CDC7: variants seen among roughly 807,000 people sequenced by gnomAD.
CDC7 encodes cell division cycle 7.
In CDC7, 34 loss-of-function variants were observed where a neutral mutation model predicts 53.5. That is an observed-to-expected ratio of 0.64 (90% CI 0.48 to 0.85). CDC7 has a LOEUF of 0.85. Ranked by LOEUF, CDC7 falls within the 40% of genes least tolerant of loss-of-function variation. The probability of loss-of-function intolerance (pLI) is 0.00; values close to 1 mark genes in which losing one functional copy is unlikely to be tolerated. For synonymous variants in CDC7, 211 were observed against 222.8 expected (o/e 0.95, Z 0.47); for missense variants, 594 against 679.7 (o/e 0.87, Z 1.40).
chr1:91,522,484 T>C (rs1001062849), intron 11 of CDC7, among the ~76,000 whole-genome samples: 2 of 152,170 alleles, frequency 1.3e-5, no homozygotes, highest in East Asian at 3.9e-4. Context: ...TCCTGACACA[T>C]AGTAGTCTGT....
chr1:91,517,588 C>T (rs1667629251), intron 10 of CDC7, among the ~76,000 whole-genome samples: 1 of 152,114 alleles, frequency 6.6e-6, no homozygotes, highest in Non-Finnish European at 1.5e-5. Context: ...AGATTTCCAG[C>T]AGAATCAAAG....
chr1:91,500,972 A>G (rs1050011266), intron 1 of CDC7, 24 bp downstream of exon 1: 3 of 152,242 alleles, frequency 2.0e-5, no homozygotes, highest in East Asian at 1.9e-4. Context: ...GGTTTGTTCC[A>G]TGGCGCGGGA....
At position 91,511,595 on chromosome 1, in the gene CDC7, A is replaced by G; in HGVS notation, c.336-2A>G. The G allele has an allele frequency of 6.3e-7, 1 of 1,575,130 alleles. No homozygotes were observed. The highest frequency in any genetic ancestry group is 8.7e-7 in the Non-Finnish European group (1 of 1,152,018). On this transcript the variant is annotated splice_acceptor_variant, in intron 4 of 11. Transcript: ENST00000234626. LOFTEE classifies it high-confidence loss of function. ...AAAGTTCCTTGTGCATTTTTCCACT[A>G]GGGGGCAAGATAATGTCATGGGAGT...
Position 91,515,872 on chromosome 1 carries a change from T to C in CDC7, c.1176T>C (p.Thr392=). Residue 392 remains threonine (T), a synonymous_variant, in exon 10 of 12, where the codon ACT becomes ACC. Transcript: ENST00000234626. ...TCTTGACAAAGTGCCCCAATCAAAC[T>C]ACAGGTATGTTGTACTGGAAATACA... ...PEVLTKCPNQ[T]TAIDMWSAGV... is the part of the protein sequence containing the mutation. 6.2e-7 allele frequency: 1 copy of C among 1,612,230 alleles called. No homozygotes were observed. Among genetic ancestry groups the C allele is most frequent in the Non-Finnish European group, 8.5e-7 (1 of 1,178,390 alleles).
chr1:91,514,474 G>A (rs1049662011), intron 8 of CDC7, among the ~76,000 whole-genome samples: 2 of 152,186 alleles, frequency 1.3e-5, no homozygotes, highest in Admixed American at 6.6e-5. Flanking sequence ...AATTAAAACT[G>A]TGATTTTAGC....
intron 9 of CDC7, 141 bp from the exon 10 acceptor site, chr1:91,515,653 A>T: frequency 1.1e-6 from 1 of 945,948 alleles, no homozygotes; most frequent in Non-Finnish European, 1.5e-6. Context: ...TTATCACACT[A>T]GATTATCATT....
intron 11 of CDC7, among the ~76,000 whole-genome samples, chr1:91,522,603 C>T (rs993271628): frequency 2.0e-5 from 3 of 152,096 alleles, no homozygotes; most frequent in Admixed American, 1.3e-4. Flanking sequence ...AACTTGGGGA[C>T]ATGCTATAAC....
chr1:91,524,501 ACAAGT>A lies in CDC7; in HGVS notation c.*67_*71del. ...TAAAAAAGAATACTTTGTAATAGCC[ACAAGT>A]TCTTGTTTAGAGACCAGAGCAGGAT... is the stretch of plus-strand genomic sequence containing the variant. On this transcript the variant is annotated 3_prime_UTR_variant, in exon 12 of 12. Transcript: ENST00000234626. 1 of 1,262,600 alleles carries A rather than the reference ACAAGT, an allele frequency of 7.9e-7. No homozygotes were observed. The highest frequency in any genetic ancestry group is 2.2e-5 in the Admixed American group (1 of 45,322). The allele number at this position is 1,262,600 out of a possible 1,614,324, so 78.2% of individuals were successfully genotyped here.
intron 4 of CDC7, among the ~76,000 whole-genome samples, chr1:91,511,110 G>T (rs767286680): frequency 1.3e-5 from 2 of 151,898 alleles, no homozygotes; most frequent in African/African-American, 2.4e-5. Flanking sequence ...TCATTTTTTG[G>T]TATCTCTATT....
chr1:91,519,451 A>T (rs544077), intron 10 of CDC7, among the ~76,000 whole-genome samples: 8,192 of 151,906 alleles, frequency 0.054, 735 homozygotes, highest in African/African-American at 0.18. Context: ...AGAAAAGAAT[A>T]TAATTGGATT....
rs1387558933 is a variant in CDC7 at position 91,513,129 on chromosome 1, A to G, written c.644A>G (p.Gln215Arg). 6.2e-7 allele frequency: 1 copy of G among 1,613,608 alleles called. No homozygotes were observed. The highest frequency in any genetic ancestry group is 8.5e-7 in the Non-Finnish European group (1 of 1,179,634). ...DTKIELLKFV[Q>R]SEAQQERCSQ... ...AAAATAGAGCTTCTTAAATTTGTCCAGTCTGAAGCTCAGCAGGAAAGGTGT... is the reference window on the plus strand; with the variant it reads ...AAAATAGAGCTTCTTAAATTTGTCCGGTCTGAAGCTCAGCAGGAAAGGTGT... The change falls in exon 7 of 12, where the codon CAG becomes CGG. Residue 215 changes from glutamine to arginine, a missense_variant. Transcript: ENST00000234626.
At chr1:91,521,196 A>G (rs1000593704) in intron 11 of CDC7, among the ~76,000 whole-genome samples, 5 of 152,224 alleles carry the variant, frequency 3.3e-5, no homozygotes, top group African/African-American at 1.2e-4. Flanking sequence ...TTATCTGAGA[A>G]TCTTTAAGAA....
rs760091555 is a variant in CDC7 at position 91,515,796 on chromosome 1, G to A, written c.1100G>A (p.Arg367His). 7.7e-5 allele frequency: 125 copies of A among 1,613,338 alleles called. No individual in the cohort carries two copies. The highest frequency in any genetic ancestry group is 5.6e-4 in the South Asian group (51 of 91,030). ...DKVCSICLSR[R>H]QQVAPRAGTP... ...GAGAAATCTTATTTCATCATAAGGC[G>A]TCAGCAGGTTGCCCCTAGGGCAGGT... Residue 367 changes from arginine to histidine, a missense_variant and splice_region_variant, in exon 10 of 12, where the codon CGT (arginine) becomes CAT (histidine). Transcript: ENST00000234626.
intron 7 of CDC7, among the ~76,000 whole-genome samples, 166 bp downstream of exon 7, chr1:91,513,473 A>C (rs571886392): frequency 6.6e-6 from 1 of 152,144 alleles, no homozygotes; most frequent in Admixed American, 6.5e-5. Context: ...ATTTGTACTG[A>C]ATCATTTTGG....
intron 2 of CDC7, among the ~76,000 whole-genome samples, chr1:91,507,368 A>C (rs1667046567): frequency 6.6e-6 from 1 of 152,232 alleles, no homozygotes; most frequent in African/African-American, 2.4e-5. Context: ...TTTTAAAAAT[A>C]CTTTTTTACA....
Position 91,513,261 on chromosome 1 carries a change from C to A in CDC7, c.776C>A (p.Pro259His). 1 of 1,613,286 alleles carries A rather than the reference C, an allele frequency of 6.2e-7. No individual in the cohort carries two copies. The highest frequency in any genetic ancestry group is 8.5e-7 in the Non-Finnish European group (1 of 1,179,414). The change falls in exon 7 of 12, where the codon CCC becomes CAC. Residue 259 changes from proline to histidine, a missense_variant. Physicochemically the swap from Pro to His is moderately conservative, Grantham distance 77 (BLOSUM62 -2). Transcript: ENST00000234626. ...ACCACAAAAGCTTCTGTTAAAAGAC[C>A]CTACACAAATGCACAAATTCAGATT... ...QSTTKASVKR[P>H]YTNAQIQIKQ... is the part of the protein sequence containing the mutation.
In CDC7 at chr1:91,520,121, C is replaced by A; in HGVS notation, c.1181-9C>A. The stretch of plus-strand genomic sequence containing the variant: ...GAAATTTATTTTTAAAATTTGTCTT[C>A]TGTTGCAGCAATTGACATGTGGTCT... On this transcript the variant is annotated splice_polypyrimidine_tract_variant and intron_variant, in intron 10 of 11. Coordinates refer to ENST00000234626, the MANE Select transcript of CDC7 (RefSeq NM_003503.4). 2.6e-6 allele frequency: 4 copies of A among 1,548,744 alleles called. No individual in the cohort carries two copies. Among genetic ancestry groups the A allele is most frequent in the Non-Finnish European group, 3.5e-6 (4 of 1,150,678 alleles).
At chr1:91,511,374 T>C (rs532879939) in intron 4 of CDC7, among the ~76,000 whole-genome samples, 1 of 152,232 alleles carries the variant, frequency 6.6e-6, no homozygotes, top group African/African-American at 2.4e-5. Context: ...AATTACCTCG[T>C]TTGAATTATT....
intron 2 of CDC7, among the ~76,000 whole-genome samples, chr1:91,503,980 C>T (rs1461606985): frequency 6.6e-6 from 1 of 151,832 alleles, no homozygotes; most frequent in Non-Finnish European, 1.5e-5. Context: ...ATAATATATT[C>T]AATCACCTTT....
Sources: allele counts gnomAD v4.1 joint callset (sites outside exome capture counted in the v4.1 genomes callset), GRCh38; gene constraint gnomAD v4.1.1; transcripts MANE v1.5; gene names NCBI Gene and HGNC (gene_info 2026-07-23, HGNC 2026-07-21).